Variants in LEPR observed in about 807,000 individuals in gnomAD.
LEPR encodes leptin receptor.
A neutral mutation model predicts 114.7 loss-of-function variants in LEPR; 56 were observed. That is an observed-to-expected ratio of 0.49 (90% CI 0.39 to 0.61). The LOEUF is 0.61. Among genes scored for constraint, LEPR ranks in the 20% least tolerant of loss-of-function variants. The probability of loss-of-function intolerance (pLI) is 0.00; values close to 1 mark genes in which losing one functional copy is unlikely to be tolerated. For missense variants in LEPR, 1,202 were observed against 1,352.9 expected, an observed-to-expected ratio of 0.89 and a Z score of 1.75; for synonymous variants, 443 against 461.4, an observed-to-expected ratio of 0.96 and a Z score of 0.51.
chr1:65,552,590 G>A (rs558501021), intron 2 of LEPR, among the ~76,000 whole-genome samples: 20 of 152,032 alleles, frequency 1.3e-4, no homozygotes, highest in African/African-American at 4.8e-4. Context: ...TTTATTTTGA[G>A]CCTATGTGTC....
At chr1:65,635,521 A>G (rs138097019) in intron 19 of LEPR, 37 of 317,402 alleles carry the variant, frequency 1.2e-4, no homozygotes, top group African/African-American at 7.6e-4. Context: ...CCAGTTTGTG[A>G]TCATCTCTTT....
In LEPR at chr1:65,601,909, C is replaced by A. The variant is rs908517605; in HGVS notation, c.1352C>A (p.Thr451Asn). The A allele has an allele frequency of 1.9e-6, 3 of 1,613,488 alleles. No individual in the cohort carries two copies. Among genetic ancestry groups the A allele is most frequent in the African/African-American group, 2.7e-5 (2 of 74,854 alleles). ...YLTKMTCRWSTSTIQSLAEST... is the reference protein window; with the variant it reads ...YLTKMTCRWSNSTIQSLAEST... Reference sequence around the variant, plus strand: ...ACTAAAATGACTTGCAGATGGTCAACCAGTACAATCCAGTCACTTGCGGAA... The same window carrying A: ...ACTAAAATGACTTGCAGATGGTCAAACAGTACAATCCAGTCACTTGCGGAA... Residue 451 changes from threonine (T) to asparagine (N), a missense_variant, in exon 10 of 20, where the codon ACC becomes AAC. Transcript: ENST00000349533.
chr1:65,485,226 G>A lies in LEPR; in HGVS notation c.-21+59848G>A, dbSNP rs80173499. On this transcript the variant is annotated intron_variant, in intron 2 of 19. Coordinates refer to ENST00000349533, the MANE Select transcript of LEPR (RefSeq NM_002303.6). The stretch of plus-strand genomic sequence containing the variant: ...CATCTATAAAACAGGGAAGAGTAAT[G>A]AGAAAATTCAGATAAAGCAGTCAAC... Among the ~76,000 whole-genome samples the A allele has an allele frequency of 4.7e-3, 718 of 152,238 alleles. 6 individuals carry two copies. Among genetic ancestry groups the A allele is most frequent in the African/African-American group, 0.017 (687 of 41,554 alleles).
intron 16 of LEPR, among the ~76,000 whole-genome samples, chr1:65,618,818 C>T (rs1235282158): frequency 6.6e-6 from 1 of 152,014 alleles, no homozygotes; most frequent in Non-Finnish European, 1.5e-5. Flanking sequence ...CTTTATGTTG[C>T]TTCCAGCTTT....
intron 6 of LEPR, among the ~76,000 whole-genome samples, chr1:65,593,308 T>C (rs1178335899): frequency 6.6e-6 from 1 of 151,938 alleles, no homozygotes; most frequent in African/African-American, 2.4e-5. Flanking sequence ...GGACAAACAA[T>C]AGTAGGCAGA....
intron 17 of LEPR, 24 bp downstream of exon 17, chr1:65,620,047 C>T (rs1657781325): frequency 6.5e-7 from 1 of 1,542,304 alleles, no homozygotes. Flanking sequence ...TTTTAGTTTC[C>T]TTTTACACCA....
At chr1:65,519,123 C>CCTTCCTTT (rs1241253543) in intron 2 of LEPR, among the ~76,000 whole-genome samples, 2 of 142,638 alleles carry the variant, frequency 1.4e-5, no homozygotes, top group African/African-American at 2.6e-5. Context: ...TTCCTTCCTT[C>CCTTCCTTT]CTTCCTTCCT....
intron 2 of LEPR, among the ~76,000 whole-genome samples, chr1:65,504,186 C>A (rs933349805): frequency 1.3e-5 from 2 of 152,064 alleles, no homozygotes; most frequent in Non-Finnish European, 2.9e-5. Context: ...AATAAACAGT[C>A]GAGTAAGTAA....
intron 14 of LEPR, among the ~76,000 whole-genome samples, chr1:65,615,566 A>T (rs922466286): frequency 2.0e-5 from 3 of 152,168 alleles, no homozygotes; most frequent in Non-Finnish European, 4.4e-5. Flanking sequence ...ATATATGATG[A>T]TTAACACCTT....
intron 10 of LEPR, among the ~76,000 whole-genome samples, chr1:65,603,612 C>T (rs1171050192): frequency 6.6e-6 from 1 of 152,024 alleles, no homozygotes; most frequent in Non-Finnish European, 1.5e-5. Context: ...GCCTGGGGCC[C>T]CCATGTGGAC....
At chr1:65,626,089 T>C (rs1349895677) in intron 19 of LEPR, 2 of 1,601,648 alleles carry the variant, frequency 1.2e-6, no homozygotes, top group Non-Finnish European at 1.7e-6. Context: ...AAATGCAGTT[T>C]AAACCTGCAG....
At chr1:65,494,068 G>A (rs1648020790) in intron 2 of LEPR, 1 of 152,084 alleles carries the variant, frequency 6.6e-6, no homozygotes, top group Non-Finnish European at 1.5e-5. Flanking sequence ...CTGGGAGGTG[G>A]GACAGTGCTG....
In LEPR at chr1:65,523,796, T is replaced by C. The variant is rs545471640; in HGVS notation, c.-20-41750T>C. 2.6e-5 allele frequency among the ~76,000 whole-genome samples: 4 copies of C among 152,338 alleles called. No individual in the cohort carries two copies. The East Asian group carries it at 7.7e-4, about 29-fold the overall frequency. ...AAAAATGCCCACATCCTAATTCCTG[T>C]AACCTGTGAATGTGACCTTATTTGG... On this transcript the variant is annotated intron_variant, in intron 2 of 19. Coordinates refer to ENST00000349533, the MANE Select transcript of LEPR (RefSeq NM_002303.6).
intron 2 of LEPR, among the ~76,000 whole-genome samples, chr1:65,559,883 G>A (rs1653174539): frequency 1.5e-5 from 2 of 136,052 alleles, no homozygotes; most frequent in Non-Finnish European, 3.2e-5. Flanking sequence ...TTATTTCTGA[G>A]GGCTCTGTTC....
intron 19 of LEPR, chr1:65,626,441 C>T (rs1285704609): frequency 2.5e-6 from 1 of 401,842 alleles, no homozygotes; most frequent in East Asian, 1.6e-4. Context: ...ACAGCTAACC[C>T]ACAAGATGCT....
At chr1:65,423,264 T>G (rs1646288383) in intron 1 of LEPR, among the ~76,000 whole-genome samples, 2 of 152,018 alleles carry the variant, frequency 1.3e-5, no homozygotes, top group Non-Finnish European at 2.9e-5. Flanking sequence ...AGCTTTGGGT[T>G]GAACATAAGT....
intron 2 of LEPR, among the ~76,000 whole-genome samples, chr1:65,426,490 G>A (rs989503730): frequency 6.6e-6 from 1 of 152,100 alleles, no homozygotes; most frequent in Non-Finnish European, 1.5e-5. Context: ...GACTAGATAG[G>A]AAAGAGCTGA....
chr1:65,453,231 C>T lies in LEPR; in HGVS notation c.-21+27853C>T, dbSNP rs1347076354. Among the ~76,000 whole-genome samples, 12 of 152,116 alleles carry T rather than the reference C, an allele frequency of 7.9e-5. No individual in the cohort carries two copies. The South Asian group carries it at 2.3e-3, about 29-fold the overall frequency. On this transcript the variant is annotated intron_variant, in intron 2 of 19. Transcript: ENST00000349533. ...TTTGTTGATCCTTTCAAAAAACCAG[C>T]TCCTGGATTCATTAATTTTTTGAAG...
chr1:65,429,816 TA>T (rs775974841), intron 2 of LEPR: 35 of 1,357,742 alleles, frequency 2.6e-5, no homozygotes, highest in Non-Finnish European at 3.4e-5. Context: ...ATTTAAAATG[TA>T]ACTGTTACTT....
Sources: allele counts gnomAD v4.1 joint callset (sites outside exome capture counted in the v4.1 genomes callset), GRCh38; gene constraint gnomAD v4.1.1; transcripts MANE v1.5; gene names NCBI Gene and HGNC (gene_info 2026-07-23, HGNC 2026-07-21).